Variants in CD1D observed in about 807,000 individuals in gnomAD.
The protein encoded by CD1D is CD1d molecule.
Under a neutral mutation model 42.1 loss-of-function variants are expected in CD1D, and 40 were observed. That is an observed-to-expected ratio of 0.95 (90% CI 0.74 to 1.24). CD1D has a LOEUF of 1.24. Ranked by LOEUF, CD1D falls within the 50% of genes most tolerant of loss-of-function variation. CD1D has a pLI of 0.00. For synonymous variants in CD1D, 178 were observed against 171.8 expected, an observed-to-expected ratio of 1.04 and a Z score of -0.28; for missense variants, 437 against 416.5, an observed-to-expected ratio of 1.05 and a Z score of -0.43.
In CD1D at chr1:158,181,031, CG is replaced by C; in HGVS notation, c.-66del. On this transcript the variant is annotated 5_prime_UTR_variant, in exon 1 of 6. Transcript: ENST00000674085. ...GCGGAAAGGGACGTGAGCTGAGCGG[CG>C]GGGGAGAAGAGTGCGCAGGTCAGAG... 2 of 1,334,424 alleles carry C rather than the reference CG, an allele frequency of 1.5e-6. No homozygotes were observed. Among genetic ancestry groups the C allele is most frequent in the African/African-American group, 1.5e-5 (1 of 67,944 alleles). The allele number at this position is 1,334,424 out of a possible 1,614,324, so 82.7% of individuals were successfully genotyped here. A position where few individuals can be genotyped will look rare whatever the true frequency, so the allele number is the denominator to read the frequency against.
Position 158,182,651 on chromosome 1 carries a change from G to C in CD1D, c.608-227G>C, listed in dbSNP as rs146168840. Among the ~76,000 whole-genome samples, 3 of 152,282 alleles carry C rather than the reference G, an allele frequency of 2.0e-5. No homozygotes were observed. The East Asian group carries it at 5.8e-4, about 29-fold the overall frequency. On this transcript the variant is annotated intron_variant, in intron 3 of 5. Transcript: ENST00000674085. ...GAACAGACAAGGGGCATTCATAGGA[G>C]GCTGGGACCAGAGAAGAAGAAGGAG... is the stretch of plus-strand genomic sequence containing the variant.
At chr1:158,182,803 G>A in intron 3 of CD1D, 75 bp from the exon 4 acceptor site, 1 of 1,487,910 alleles carries the variant, frequency 6.7e-7, no homozygotes, top group South Asian at 1.3e-5. Flanking sequence ...AAGTCAAAAA[G>A]GATGATATGA....
intron 2 of CD1D, 21 bp downstream of exon 2, chr1:158,181,742 C>T (rs1303991795): frequency 6.2e-7 from 1 of 1,603,268 alleles, no homozygotes; most frequent in Non-Finnish European, 8.5e-7. Flanking sequence ...GGATAGGATC[C>T]TGGGCCGGTA....
chr1:158,178,243 C>G (rs1411024695), upstream of CD1D, among the ~76,000 whole-genome samples: 3 of 152,166 alleles, frequency 2.0e-5, no homozygotes, highest in Admixed American at 2.0e-4. Context: ...AGACTATGAG[C>G]AATTGCACTT....
At position 158,184,402 on chromosome 1, in the gene CD1D, G is replaced by A. The variant is rs964319065; in HGVS notation, c.*252G>A. 9.1e-6 allele frequency: 5 copies of A among 551,042 alleles called. No homozygotes were observed. Among genetic ancestry groups the A allele is most frequent in the Non-Finnish European group, 1.6e-5 (5 of 309,934 alleles). The allele number at this position is 551,042 out of a possible 1,614,324, so 34.1% of individuals were successfully genotyped here. On this transcript the variant is annotated 3_prime_UTR_variant, in exon 6 of 6. Coordinates refer to ENST00000674085, the MANE Select transcript of CD1D (RefSeq NM_001371762.2). The stretch of plus-strand genomic sequence containing the variant: ...CCCAAATGGCTCTGTGAAATCAGAA[G>A]TGCAAAGGTGTGCAAACTTGTATCT...
At chr1:158,182,526 A>G (rs1486678781) in intron 3 of CD1D, 3 of 622,432 alleles carry the variant, frequency 4.8e-6, no homozygotes, top group Non-Finnish European at 8.5e-6. Flanking sequence ...GAAAGGTGTC[A>G]GGCAGTTAGT....
chr1:158,184,193 GA>G lies in CD1D; in HGVS notation c.*44del. On this transcript the variant is annotated 3_prime_UTR_variant, in exon 6 of 6. Transcript: ENST00000674085. ...GTGTCTCTGGAACCCAGGACCTCTG[GA>G]CCTCAGGTTCCTAAGACTTCAGTCC... 6.2e-7 allele frequency: 1 copy of G among 1,610,184 alleles called. No homozygotes were observed. The highest frequency in any genetic ancestry group is 8.5e-7 in the Non-Finnish European group (1 of 1,176,754).
chr1:158,183,034 C>T lies in CD1D; in HGVS notation c.764C>T (p.Pro255Leu). 1 of 1,614,120 alleles carries T rather than the reference C, an allele frequency of 6.2e-7. No individual in the cohort carries two copies. Among genetic ancestry groups the T allele is most frequent in the Non-Finnish European group, 8.5e-7 (1 of 1,179,988 alleles). ...QQGTQPGDIL[P>L]NADETWYLRA... ...GGCACTCAGCCAGGGGACATCCTGC[C>T]CAATGCTGACGAGACATGGTATCTC... Residue 255 changes from proline to leucine, a missense_variant, in exon 4 of 6, where the codon CCC becomes CTC. Transcript: ENST00000674085.
At chr1:158,179,426 G>A (rs1049972930), upstream of CD1D, among the ~76,000 whole-genome samples, 1 of 152,182 alleles carries the variant, frequency 6.6e-6, no homozygotes, top group African/African-American at 2.4e-5. Flanking sequence ...TATGGGAGAA[G>A]GGAAACATTA....
rs925012299 is a variant in CD1D at position 158,186,215 on chromosome 1, C to A, written c.*2065C>A. 6.6e-6 allele frequency among the ~76,000 whole-genome samples: 1 copy of A among 152,082 alleles called. No individual in the cohort carries two copies. Among genetic ancestry groups the A allele is most frequent in the African/African-American group, 2.4e-5 (1 of 41,402 alleles). On this transcript the variant is annotated 3_prime_UTR_variant, in exon 6 of 6. Coordinates refer to ENST00000674085, the MANE Select transcript of CD1D (RefSeq NM_001371762.2). ...GTTGCTGTGTTTGGTACCACATTGC[C>A]CACCCTCACGTGGCGCTCTTCAGCT...
At position 158,182,163 on chromosome 1, in the gene CD1D, G is replaced by C; in HGVS notation, c.460G>C (p.Glu154Gln). 6.2e-7 allele frequency: 1 copy of C among 1,614,166 alleles called. No homozygotes were observed. Among genetic ancestry groups the C allele is most frequent in the Non-Finnish European group, 8.5e-7 (1 of 1,180,034 alleles). Reference sequence around the variant, plus strand: ...AGGAACTTCTTGGGAGCCAACCCAAGAGGCCCCACTTTGGGTAAACTTGGC... The same window carrying C: ...AGGAACTTCTTGGGAGCCAACCCAACAGGCCCCACTTTGGGTAAACTTGGC... ...FQGTSWEPTQEAPLWVNLAIQ... is the reference protein window; with the variant it reads ...FQGTSWEPTQQAPLWVNLAIQ... Residue 154 changes from glutamate to glutamine, a missense_variant, in exon 3 of 6, where the codon GAG (glutamate) becomes CAG (glutamine). Coordinates refer to ENST00000674085, the MANE Select transcript of CD1D (RefSeq NM_001371762.2).
chr1:158,182,545 C>G, intron 3 of CD1D: 1 of 607,430 alleles, frequency 1.6e-6, no homozygotes, highest in Non-Finnish European at 2.9e-6. Context: ...GTTAGGATCC[C>G]TGCTTGGTAG....
At position 158,185,843 on chromosome 1, in the gene CD1D, C is replaced by G. The variant is rs1296587735; in HGVS notation, c.*1693C>G. Reference sequence around the variant, plus strand: ...GAAACTCTGAGTCTGGAAGCAGGCTCAATAGTCAAGCCCCCTGGTGATTCT... The same window carrying G: ...GAAACTCTGAGTCTGGAAGCAGGCTGAATAGTCAAGCCCCCTGGTGATTCT... On this transcript the variant is annotated 3_prime_UTR_variant, in exon 6 of 6. Coordinates refer to ENST00000674085, the MANE Select transcript of CD1D (RefSeq NM_001371762.2). Among the ~76,000 whole-genome samples the G allele has an allele frequency of 6.6e-6, 1 of 152,138 alleles. No individual in the cohort carries two copies. Among genetic ancestry groups the G allele is most frequent in the Non-Finnish European group, 1.5e-5 (1 of 68,024 alleles).
chr1:158,180,064 G>C (rs1167009297), upstream of CD1D: 2 of 152,188 alleles, frequency 1.3e-5, no homozygotes, highest in Non-Finnish European at 2.9e-5. Flanking sequence ...GTGAAATAGA[G>C]ATGAGTTGGA....
At position 158,182,087 on chromosome 1, in the gene CD1D, A is replaced by T; in HGVS notation, c.384A>T (p.Ser128=). The part of the protein sequence containing the change: ...AGCEVHPGNA[S]NNFFHVAFQG... ...GTGAGGTGCACCCTGGGAACGCCTCAAATAACTTCTTCCATGTAGCATTTC... is the reference window on the plus strand; with the variant it reads ...GTGAGGTGCACCCTGGGAACGCCTCTAATAACTTCTTCCATGTAGCATTTC... Residue 128 remains serine, a synonymous_variant, in exon 3 of 6, where the codon TCA becomes TCT. Transcript: ENST00000674085. The T allele has an allele frequency of 1.2e-6, 2 of 1,614,084 alleles. No individual in the cohort carries two copies. Among genetic ancestry groups the T allele is most frequent in the Non-Finnish European group, 1.7e-6 (2 of 1,179,978 alleles).
At chr1:158,184,077 A>G (rs1328973636) in intron 5 of CD1D, 42 bp downstream of exon 5, 29 of 1,613,486 alleles carry the variant, frequency 1.8e-5, no homozygotes, top group Non-Finnish European at 2.5e-5. Flanking sequence ...TCTCCCCTTC[A>G]TTCCTGGCTT....
chr1:158,183,943 C>A lies in CD1D; in HGVS notation c.894C>A (p.Ser298Arg). The A allele has an allele frequency of 6.2e-7, 1 of 1,613,808 alleles. No homozygotes were observed. The highest frequency in any genetic ancestry group is 8.5e-7 in the Non-Finnish European group (1 of 1,179,690). The stretch of plus-strand genomic sequence containing the variant: ...TATGTTCCTCCAGAGCAGGTGGGAG[C>A]TACACCTCCATGGGCTTGATTGCCT... ...GQDIVLYWGG[S>R]YTSMGLIALA... is the part of the protein sequence containing the mutation. Residue 298 changes from serine (S) to arginine (R), a missense_variant, in exon 5 of 6, where the codon AGC (serine) becomes AGA (arginine). Transcript: ENST00000674085.
chr1:158,183,961 G>C lies in CD1D; in HGVS notation c.912G>C (p.Leu304Phe). 6.2e-7 allele frequency: 1 copy of C among 1,614,210 alleles called. No homozygotes were observed. The highest frequency in any genetic ancestry group is 8.5e-7 in the Non-Finnish European group (1 of 1,180,028). Residue 304 changes from leucine to phenylalanine, a missense_variant, in exon 5 of 6, where the codon TTG (leucine) becomes TTC (phenylalanine). By Grantham distance (22) the Leu-to-Phe change is conservative. Coordinates refer to ENST00000674085, the MANE Select transcript of CD1D (RefSeq NM_001371762.2). ...YWGGSYTSMGLIALAVLACLL... is the reference protein window; with the variant it reads ...YWGGSYTSMGFIALAVLACLL... ...GTGGGAGCTACACCTCCATGGGCTT[G>C]ATTGCCTTGGCAGTCCTGGCGTGCT... is the stretch of plus-strand genomic sequence containing the variant.
chr1:158,181,157 CTG>C lies in CD1D; in HGVS notation c.57_58del (p.Glu20SerfsTer19), dbSNP rs1441923953. ...GCGCTCCTCCAGGCTTGGGGAAGCG[CTG>C]AAGGTGGGTGGAACGAGGGCGCTTG... On this transcript the variant is annotated frameshift_variant, in exon 1 of 6. Transcript: ENST00000674085. LOFTEE classifies it high-confidence loss of function. 4.5e-6 allele frequency: 7 copies of C among 1,549,640 alleles called. No individual in the cohort carries two copies. The highest frequency in any genetic ancestry group is 5.2e-6 in the Non-Finnish European group (6 of 1,146,782).
Sources: gnomAD v4.1 joint callset for allele counts (sites outside exome capture counted in the v4.1 genomes callset) on GRCh38, gnomAD v4.1.1 for gene constraint, MANE v1.5 for transcripts, NCBI Gene and HGNC (gene_info 2026-07-23, HGNC 2026-07-21) for gene names.